The following SGCD variants were observed in gnomAD, a reference collection of about 807,000 sequenced individuals.
The protein encoded by SGCD is delta-sarcoglycan.
SGCD carries 18 observed loss-of-function variants against 36.6 expected under a neutral mutation model. That is an observed-to-expected ratio of 0.49 (90% CI 0.34 to 0.73). The LOEUF (loss-of-function observed/expected upper bound fraction) is 0.73. Among genes scored for constraint, SGCD ranks in the 30% least tolerant of loss-of-function variants. The pLI is 0.01. For synonymous variants in SGCD, 133 were observed against 130.6 expected, an observed-to-expected ratio of 1.02 and a Z score of -0.12; for missense variants, 387 against 346.7, an observed-to-expected ratio of 1.12 and a Z score of -0.92.
the SGCD span, among the ~76,000 whole-genome samples, chr5:155,754,105 ATGT>A: frequency 1.3e-5 from 2 of 152,288 alleles, no homozygotes; most frequent in Non-Finnish European, 2.9e-5. Context: ...AGCCAGCCAA[ATGT>A]TGTGGAAACA....
intron 1 of SGCD, among the ~76,000 whole-genome samples, chr5:155,941,356 A>T (rs1258295241): frequency 6.6e-6 from 1 of 152,188 alleles, no homozygotes; most frequent in Non-Finnish European, 1.5e-5. Flanking sequence ...ACAGGAACCC[A>T]GTAAGTAGGC....
chr5:155,807,215 C>T, the SGCD span, among the ~76,000 whole-genome samples: 1 of 152,202 alleles, frequency 6.6e-6, no homozygotes. Context: ...CGTGGTTTAG[C>T]TCTGAATTTT....
intron 3 of SGCD, among the ~76,000 whole-genome samples, chr5:156,131,694 G>GA (rs201079305): frequency 4.0e-5 from 6 of 151,648 alleles, no homozygotes; most frequent in African/African-American, 7.2e-5. Context: ...TTGCTCAACA[G>GA]AAAAAAAAGG....
intron 1 of SGCD, among the ~76,000 whole-genome samples, chr5:155,879,289 T>G (rs972528844): frequency 2.0e-5 from 3 of 152,156 alleles, no homozygotes; most frequent in Admixed American, 2.0e-4. Flanking sequence ...CAAAATATAT[T>G]TATAAAACTG....
the SGCD span, among the ~76,000 whole-genome samples, chr5:155,747,808 A>G: frequency 1.3e-5 from 2 of 152,324 alleles, no homozygotes; most frequent in South Asian, 4.1e-4. Context: ...AAATGGCACC[A>G]GTTGTGCAAA....
intron 3 of SGCD, among the ~76,000 whole-genome samples, chr5:156,296,052 G>T (rs756944400): frequency 6.6e-6 from 1 of 152,206 alleles, no homozygotes; most frequent in Non-Finnish European, 1.5e-5. Flanking sequence ...ATCTGTTGGG[G>T]TCTAAGGCAT....
chr5:155,746,591 T>C, the SGCD span, among the ~76,000 whole-genome samples: 1 of 151,560 alleles, frequency 6.6e-6, no homozygotes, highest in African/African-American at 2.4e-5. Context: ...AGTTCCTGTC[T>C]CTTGTCTTAA....
intron 4 of SGCD, among the ~76,000 whole-genome samples, chr5:156,577,457 T>G (rs1315277243): frequency 6.6e-6 from 1 of 152,192 alleles, no homozygotes; most frequent in African/African-American, 2.4e-5. Context: ...GTGAAGAAAG[T>G]CATTGGTATC....
chr5:156,439,860 G>GA (rs915141210), intron 3 of SGCD, among the ~76,000 whole-genome samples: 47 of 151,742 alleles, frequency 3.1e-4, no homozygotes, highest in Non-Finnish European at 8.8e-5. Flanking sequence ...GATTGTTGTG[G>GA]AAAAAAAATC....
the SGCD span, among the ~76,000 whole-genome samples, chr5:155,774,193 G>A: frequency 2.0e-5 from 3 of 152,030 alleles, no homozygotes; most frequent in East Asian, 1.9e-4. Context: ...GGATATTTTG[G>A]GTTTTGAGAG....
chr5:155,769,265 G>A, the SGCD span, among the ~76,000 whole-genome samples: 19 of 151,906 alleles, frequency 1.3e-4, no homozygotes, highest in African/African-American at 4.6e-4. Flanking sequence ...CTGTGAGGAG[G>A]CTATTGTGGA....
chr5:156,647,484 C>A lies in SGCD; in HGVS notation c.523C>A (p.Pro175Thr). ...RVLGAEGTVFPKSIETPNVRA... is the reference protein window; with the variant it reads ...RVLGAEGTVFTKSIETPNVRA... ...TACAGGAGCGGAGGGCACAGTGTTC[C>A]CTAAATCTATAGAAACACCTAATGT... Residue 175 changes from proline to threonine, a missense_variant, in exon 7 of 9, where the codon CCT becomes ACT. Physicochemically the swap from Pro to Thr is conservative, Grantham distance 38 (BLOSUM62 -1). Transcript: ENST00000337851. The A allele has an allele frequency of 6.3e-7, 1 of 1,586,788 alleles. No individual in the cohort carries two copies. The highest frequency in any genetic ancestry group is 2.3e-5 in the East Asian group (1 of 44,048).
intron 1 of SGCD, among the ~76,000 whole-genome samples, chr5:155,880,768 T>A (rs1755864957): frequency 1.3e-5 from 2 of 152,046 alleles, no homozygotes; most frequent in Admixed American, 1.3e-4. Flanking sequence ...CAACAGGAAG[T>A]TTTAGATATA....
chr5:156,744,831 G>T (rs1332388264), intron 7 of SGCD, among the ~76,000 whole-genome samples: 1 of 152,122 alleles, frequency 6.6e-6, no homozygotes, highest in African/African-American at 2.4e-5. Flanking sequence ...AAGTTGAGCT[G>T]ATTTTATCAT....
At chr5:156,142,474 G>C (rs1762605037) in intron 3 of SGCD, among the ~76,000 whole-genome samples, 1 of 152,180 alleles carries the variant, frequency 6.6e-6, no homozygotes, top group Non-Finnish European at 1.5e-5. Context: ...GAAAAAGACA[G>C]GAAGATGAGG....
rs571190833 is a variant in SGCD at position 156,353,115 on chromosome 5, A to T, written c.192+8438A>T. 4.3e-4 allele frequency among the ~76,000 whole-genome samples: 65 copies of T among 152,356 alleles called. No individual in the cohort carries two copies. In the South Asian group the frequency reaches 0.013, roughly 31 times the overall value. On this transcript the variant is annotated intron_variant, in intron 3 of 8. Transcript: ENST00000337851. The stretch of plus-strand genomic sequence containing the variant: ...GTTCCATAACTCAGGACCCTGACAC[A>T]TCATCTGTTTTGAGTAAGCTCAAGG...
chr5:156,249,275 G>T (rs979376492), intron 3 of SGCD, among the ~76,000 whole-genome samples: 1 of 152,150 alleles, frequency 6.6e-6, no homozygotes, highest in African/African-American at 2.4e-5. Context: ...AATAGGAAGA[G>T]AATGAACGGC....
intron 3 of SGCD, among the ~76,000 whole-genome samples, chr5:156,420,201 A>G (rs1030466582): frequency 5.9e-5 from 9 of 152,080 alleles, no homozygotes; most frequent in African/African-American, 1.9e-4. Flanking sequence ...TCTATATCCA[A>G]CTGCAGTAAG....
intron 4 of SGCD, among the ~76,000 whole-genome samples, chr5:156,572,090 G>T (rs945709130): frequency 5.3e-5 from 8 of 152,228 alleles, no homozygotes; most frequent in Non-Finnish European, 1.0e-4. Flanking sequence ...CCTCATTTTT[G>T]CAGGGGAATA....
Sources: allele counts gnomAD v4.1 joint callset (sites outside exome capture counted in the v4.1 genomes callset), GRCh38; gene constraint gnomAD v4.1.1; transcripts MANE v1.5; gene names NCBI Gene and HGNC (gene_info 2026-07-23, HGNC 2026-07-21).